Variants in PTPRD observed in about 807,000 individuals in gnomAD.
The protein encoded by PTPRD is protein tyrosine phosphatase receptor type D.
A neutral mutation model predicts 214.5 loss-of-function variants in PTPRD; 34 were observed. That is an observed-to-expected ratio of 0.16 (90% confidence interval 0.12 to 0.21). The LOEUF (loss-of-function observed/expected upper bound fraction) is 0.21, where lower values mean the gene tolerates loss of function less well. Among genes scored for constraint, PTPRD ranks in the 10% least tolerant of loss-of-function variants. The probability of loss-of-function intolerance (pLI) is 1.00; values close to 1 mark genes in which losing one functional copy is unlikely to be tolerated. For synonymous variants in PTPRD, 1,128 were observed against 845.7 expected (o/e 1.33, Z -5.79); for missense variants, 2,545 against 2,398.7 (o/e 1.06, Z -1.27).
intron 4 of PTPRD, among the ~76,000 whole-genome samples, chr9:9,989,747 T>G (rs371341485): frequency 1.1e-4 from 17 of 152,326 alleles, no homozygotes; most frequent in African/African-American, 4.1e-4. Flanking sequence ...AAGAGTGCAC[T>G]GTGACACACA....
At chr9:9,349,790 T>A (rs763985957) in intron 9 of PTPRD, among the ~76,000 whole-genome samples, 1 of 151,992 alleles carries the variant, frequency 6.6e-6, no homozygotes, top group Non-Finnish European at 1.5e-5. Context: ...ATTGTAAATA[T>A]GTCTCATCAC....
At chr9:9,062,633 A>G (rs1340203333) in intron 10 of PTPRD, among the ~76,000 whole-genome samples, 1 of 152,172 alleles carries the variant, frequency 6.6e-6, no homozygotes, top group Non-Finnish European at 1.5e-5. Context: ...AAGGTCCAAA[A>G]TTTAGCTGAT....
At chr9:9,553,050 T>C (rs2080700756) in intron 8 of PTPRD, among the ~76,000 whole-genome samples, 1 of 152,066 alleles carries the variant, frequency 6.6e-6, no homozygotes, top group Non-Finnish European at 1.5e-5. Flanking sequence ...AATAATTTAT[T>C]CAATTTCTTT....
chr9:10,132,912 G>A (rs1462897927), intron 3 of PTPRD, among the ~76,000 whole-genome samples: 1 of 151,786 alleles, frequency 6.6e-6, no homozygotes, highest in Non-Finnish European at 1.5e-5. Flanking sequence ...GGCCTGTATG[G>A]CCAATAGGAT....
At chr9:8,386,868 C>T (rs551124818) in intron 37 of PTPRD, among the ~76,000 whole-genome samples, 6 of 152,214 alleles carry the variant, frequency 3.9e-5, no homozygotes, top group South Asian at 2.1e-4. Context: ...GGGAGGAAGA[C>T]GGAAGAGCAG....
At chr9:9,545,892 C>T (rs2078679692) in intron 8 of PTPRD, among the ~76,000 whole-genome samples, 2 of 151,690 alleles carry the variant, frequency 1.3e-5, no homozygotes, top group African/African-American at 4.8e-5. Flanking sequence ...TTAGAAAAAA[C>T]AACTTGAATA....
At chr9:8,661,347 T>G (rs1311302431) in intron 12 of PTPRD, among the ~76,000 whole-genome samples, 1 of 152,066 alleles carries the variant, frequency 6.6e-6, no homozygotes, top group Non-Finnish European at 1.5e-5. Context: ...AAAATCAGTC[T>G]CTTATTTCTC....
At chr9:10,065,001 A>C (rs1438446647) in intron 3 of PTPRD, among the ~76,000 whole-genome samples, 1 of 151,904 alleles carries the variant, frequency 6.6e-6, no homozygotes, top group Non-Finnish European at 1.5e-5. Flanking sequence ...TTAACATTTA[A>C]TTAAGAACCA....
At chr9:9,714,800 TG>T (rs2097790681) in intron 7 of PTPRD, among the ~76,000 whole-genome samples, 1 of 152,176 alleles carries the variant, frequency 6.6e-6, no homozygotes, top group African/African-American at 2.4e-5. Context: ...ATGTTCCTTC[TG>T]AGTTTGAGAA....
intron 11 of PTPRD, among the ~76,000 whole-genome samples, chr9:8,872,063 C>T (rs1389104141): frequency 1.3e-5 from 2 of 152,164 alleles, no homozygotes; most frequent in Admixed American, 1.3e-4. Context: ...ACAAACAGCT[C>T]AAGACCCCTA....
At chr9:8,479,315 A>G (rs2096832185) in intron 30 of PTPRD, among the ~76,000 whole-genome samples, 1 of 152,190 alleles carries the variant, frequency 6.6e-6, no homozygotes, top group African/African-American at 2.4e-5. Flanking sequence ...TTCTCACTCA[A>G]GTACTTTCCT....
intron 14 of PTPRD, among the ~76,000 whole-genome samples, chr9:8,557,296 T>C (rs1421947946): frequency 6.6e-6 from 1 of 151,998 alleles, no homozygotes; most frequent in Non-Finnish European, 1.5e-5. Context: ...TGCCTAAGAC[T>C]AGCACAGTGT....
intron 14 of PTPRD, among the ~76,000 whole-genome samples, chr9:8,562,388 C>A (rs1034038138): frequency 4.0e-5 from 6 of 151,726 alleles, no homozygotes; most frequent in Middle Eastern, 3.4e-3. Flanking sequence ...CTTCTCAGTT[C>A]CTGGCTTGGT....
chr9:10,574,982 T>TA (rs2068739254), intron 2 of PTPRD, among the ~76,000 whole-genome samples: 1 of 151,078 alleles, frequency 6.6e-6, no homozygotes, highest in Admixed American at 6.6e-5. Flanking sequence ...CAATGTGGAG[T>TA]AAAAAAATCA....
At chr9:9,798,044 C>G (rs1482406677) in intron 5 of PTPRD, among the ~76,000 whole-genome samples, 1 of 151,998 alleles carries the variant, frequency 6.6e-6, no homozygotes, top group Non-Finnish European at 1.5e-5. Context: ...CGATTGGAAC[C>G]TCACAGAATA....
At chr9:8,822,130 A>C (rs2097081462) in intron 11 of PTPRD, among the ~76,000 whole-genome samples, 1 of 152,172 alleles carries the variant, frequency 6.6e-6, no homozygotes, top group Admixed American at 6.5e-5. Flanking sequence ...AGCATTTTTC[A>C]GTCTCCATTA....
intron 3 of PTPRD, among the ~76,000 whole-genome samples, chr9:10,188,171 T>C (rs1470161084): frequency 6.6e-6 from 1 of 152,174 alleles, no homozygotes; most frequent in Non-Finnish European, 1.5e-5. Flanking sequence ...CTATTCACCC[T>C]TTTCCTGCCA....
At chr9:8,576,665 T>A (rs2092408683) in intron 14 of PTPRD, among the ~76,000 whole-genome samples, 1 of 148,748 alleles carries the variant, frequency 6.7e-6, no homozygotes, top group East Asian at 2.0e-4. Context: ...TATTTGCATA[T>A]CCGTGTCTCT....
At chr9:9,394,804 T>G (rs774153931) in intron 9 of PTPRD, among the ~76,000 whole-genome samples, 2 of 152,008 alleles carry the variant, frequency 1.3e-5, no homozygotes, top group Admixed American at 6.6e-5. Context: ...GCTTCCAAGC[T>G]CCATTTTTGA....
Sources: gnomAD v4.1 joint callset for allele counts (sites outside exome capture counted in the v4.1 genomes callset) on GRCh38, gnomAD v4.1.1 for gene constraint, MANE v1.5 for transcripts, NCBI Gene and HGNC (gene_info 2026-07-23, HGNC 2026-07-21) for gene names.